The following IL1RAPL1 variants were observed in gnomAD, a reference collection of about 807,000 sequenced individuals.
IL1RAPL1 encodes interleukin-1 receptor accessory protein-like 1.
Under a neutral mutation model 48.4 loss-of-function variants are expected in IL1RAPL1, and 3 were observed. The observed-to-expected ratio is 0.06, with a 90% CI of 0.03 to 0.16. IL1RAPL1 has a LOEUF of 0.16. Ranked by LOEUF, IL1RAPL1 falls within the 10% of genes least tolerant of loss-of-function variation. IL1RAPL1 has a pLI of 1.00. For synonymous variants in IL1RAPL1, 185 were observed against 187.7 expected, an observed-to-expected ratio of 0.99 and a Z score of 0.12; for missense variants, 349 against 530.6, an observed-to-expected ratio of 0.66 and a Z score of 3.36.
At chrX:29,589,473 G>A (rs2147055152) in intron 5 of IL1RAPL1, among the ~76,000 whole-genome samples, 1 of 111,127 alleles carries the variant, frequency 9.0e-6, no homozygotes, top group South Asian at 3.7e-4. Flanking sequence ...TATGATCTCA[G>A]ATCATTGCTC....
intron 6 of IL1RAPL1, among the ~76,000 whole-genome samples, chrX:29,887,165 G>C (rs1380366291): frequency 8.9e-6 from 1 of 112,006 alleles, no homozygotes; most frequent in African/African-American, 3.2e-5. Flanking sequence ...GCCTAATAAA[G>C]TCTCTCAAAT....
chrX:29,697,097 C>T (rs1926931800), intron 6 of IL1RAPL1, among the ~76,000 whole-genome samples: 1 of 111,352 alleles, frequency 9.0e-6, no homozygotes, highest in South Asian at 3.7e-4. Context: ...AAATATTTAA[C>T]TATCCGCCTC....
At chrX:29,082,091 A>G (rs1461907532) in intron 2 of IL1RAPL1, among the ~76,000 whole-genome samples, 1 of 112,165 alleles carries the variant, frequency 8.9e-6, no homozygotes, top group Non-Finnish European at 1.9e-5. Context: ...TTACCGGGCT[A>G]TAGTTAATGT....
intron 3 of IL1RAPL1, among the ~76,000 whole-genome samples, chrX:29,312,746 G>C: frequency 9.0e-6 from 1 of 111,530 alleles, no homozygotes; most frequent in Middle Eastern, 4.7e-3. Flanking sequence ...ATCTCATCTT[G>C]AACTGTACTC....
chrX:29,246,831 A>C (rs1357554892), intron 2 of IL1RAPL1, among the ~76,000 whole-genome samples: 1 of 111,109 alleles, frequency 9.0e-6, no homozygotes, highest in African/African-American at 3.3e-5. Context: ...GAGAGTTCTG[A>C]AAGTTTGGCC....
chrX:29,636,224 G>A (rs1014453553), intron 5 of IL1RAPL1, among the ~76,000 whole-genome samples: 1 of 111,605 alleles, frequency 9.0e-6, no homozygotes, highest in East Asian at 2.8e-4. Context: ...AAATAAACTC[G>A]TGCAAAAAAT....
intron 5 of IL1RAPL1, among the ~76,000 whole-genome samples, chrX:29,605,201 A>G (rs1171213628): frequency 4.5e-5 from 5 of 109,938 alleles, no homozygotes; most frequent in Non-Finnish European, 9.5e-5. Context: ...CCTCTTTTGT[A>G]TATTATCAAA....
At chrX:29,813,748 C>A (rs1226153760) in intron 6 of IL1RAPL1, among the ~76,000 whole-genome samples, 1 of 110,599 alleles carries the variant, frequency 9.0e-6, no homozygotes, top group African/African-American at 3.3e-5. Context: ...CTTCCCCCGC[C>A]CTGCATCTGG....
At chrX:29,523,502 A>G (rs955117234) in intron 5 of IL1RAPL1, among the ~76,000 whole-genome samples, 1 of 111,876 alleles carries the variant, frequency 8.9e-6, no homozygotes, top group Non-Finnish European at 1.9e-5. Context: ...TCCAAATAGT[A>G]AAAGGATAAA....
At chrX:29,459,346 T>A (rs754429661) in intron 5 of IL1RAPL1, among the ~76,000 whole-genome samples, 1 of 111,857 alleles carries the variant, frequency 8.9e-6, no homozygotes, top group Admixed American at 9.5e-5. Context: ...TTTGTTCATG[T>A]TTTAGAGTTT....
chrX:28,875,427 T>A (rs1185618848), intron 2 of IL1RAPL1, among the ~76,000 whole-genome samples: 4 of 112,526 alleles, frequency 3.6e-5, no homozygotes, highest in Non-Finnish European at 7.5e-5. Flanking sequence ...ATTGTAGTAA[T>A]GAACAGCCCC....
chrX:28,785,298 A>T (rs889907230), intron 1 of IL1RAPL1, among the ~76,000 whole-genome samples: 1 of 111,221 alleles, frequency 9.0e-6, no homozygotes, highest in Non-Finnish European at 1.9e-5. Context: ...TAATTTTTAA[A>T]TTTTTTTGTA....
At chrX:29,804,492 C>G (rs1569174798) in intron 6 of IL1RAPL1, among the ~76,000 whole-genome samples, 1 of 111,312 alleles carries the variant, frequency 9.0e-6, no homozygotes, top group Non-Finnish European at 1.9e-5. Flanking sequence ...TTCCTCCATT[C>G]TGTTTTTGTG....
At chrX:29,311,779 T>C (rs1932728692) in intron 3 of IL1RAPL1, among the ~76,000 whole-genome samples, 1 of 111,996 alleles carries the variant, frequency 8.9e-6, no homozygotes, top group Non-Finnish European at 1.9e-5. Flanking sequence ...ACGAAATTCC[T>C]CTTTCTACTT....
At chrX:28,730,102 A>T (rs1053172020) in intron 1 of IL1RAPL1, among the ~76,000 whole-genome samples, 8 of 112,155 alleles carry the variant, frequency 7.1e-5, no homozygotes, top group Non-Finnish European at 1.5e-4. Context: ...ACACTTGTAA[A>T]GATAGTAAAA....
intron 6 of IL1RAPL1, among the ~76,000 whole-genome samples, chrX:29,778,000 C>T (rs747010771): frequency 9.4e-5 from 10 of 105,977 alleles, no homozygotes; most frequent in African/African-American, 2.2e-4. Flanking sequence ...TTCATTTATA[C>T]GATATATATT....
intron 2 of IL1RAPL1, among the ~76,000 whole-genome samples, chrX:29,182,882 G>A (rs1930174656): frequency 9.0e-6 from 1 of 111,190 alleles, no homozygotes; most frequent in African/African-American, 3.3e-5. Context: ...TTTATAAGAG[G>A]GAGGCAGGAG....
intron 3 of IL1RAPL1, among the ~76,000 whole-genome samples, chrX:29,360,060 A>G (rs989880471): frequency 1.5e-4 from 17 of 111,705 alleles, no homozygotes; most frequent in Non-Finnish European, 2.6e-4. Context: ...ACATGCCAGG[A>G]GCCATCTTAC....
chrX:28,716,059 A>G (rs1199592614), intron 1 of IL1RAPL1, among the ~76,000 whole-genome samples: 1 of 112,544 alleles, frequency 8.9e-6, no homozygotes, highest in Non-Finnish European at 1.9e-5. Context: ...GTGATTCATC[A>G]CATAAACAGA....
Sources: allele counts gnomAD v4.1 joint callset (sites outside exome capture counted in the v4.1 genomes callset), GRCh38; gene constraint gnomAD v4.1.1; transcripts MANE v1.5; gene names NCBI Gene and HGNC (gene_info 2026-07-23, HGNC 2026-07-21).